Variants in ANKS1B observed in about 807,000 individuals in gnomAD.
ANKS1B encodes ankyrin repeat and sterile alpha motif domain-containing protein 1B.
Under a neutral mutation model 148.3 loss-of-function variants are expected in ANKS1B, and 36 were observed. The ratio of observed to expected loss-of-function variants is 0.24; its 90% CI spans 0.19 to 0.32. The LOEUF is 0.32. Ranked by LOEUF, ANKS1B falls within the 10% of genes least tolerant of loss-of-function variation. The probability of loss-of-function intolerance (pLI) is 1.00; values close to 1 mark genes in which losing one functional copy is unlikely to be tolerated. For synonymous variants in ANKS1B, 542 were observed against 560.8 expected (o/e 0.97, Z 0.47); for missense variants, 1,157 against 1,542.6 (o/e 0.75, Z 4.19).
intron 1 of ANKS1B, among the ~76,000 whole-genome samples, chr12:99,958,509 A>G (rs1310101449): frequency 1.3e-5 from 2 of 152,120 alleles, no homozygotes; most frequent in Non-Finnish European, 2.9e-5. Flanking sequence ...CAGCCCCCCA[A>G]GTAGCTGGGA....
chr12:99,226,500 T>C (rs551610932), intron 14 of ANKS1B, among the ~76,000 whole-genome samples: 11 of 152,340 alleles, frequency 7.2e-5, no homozygotes. Flanking sequence ...CAAGAATCAA[T>C]GTGTATATTG....
intron 4 of ANKS1B, among the ~76,000 whole-genome samples, chr12:99,784,168 C>CTAG (rs1438960257): frequency 3.2e-4 from 36 of 110,860 alleles, no homozygotes; most frequent in African/African-American, 1.1e-3. Context: ...ACTGAACTTT[C>CTAG]TTTTTTTTTT....
intron 4 of ANKS1B, among the ~76,000 whole-genome samples, chr12:99,795,485 A>G (rs1256544510): frequency 6.6e-6 from 1 of 152,020 alleles, no homozygotes; most frequent in South Asian, 2.1e-4. Context: ...GTGGTTACTT[A>G]CAACTCTTAC....
intron 1 of ANKS1B, among the ~76,000 whole-genome samples, chr12:99,859,785 T>C (rs1372394520): frequency 1.3e-5 from 2 of 151,992 alleles, no homozygotes; most frequent in Non-Finnish European, 2.9e-5. Context: ...TAGCTGGGAT[T>C]AGAGGTACCT....
At chr12:99,270,941 A>T (rs755161909) in intron 12 of ANKS1B, among the ~76,000 whole-genome samples, 32 of 152,232 alleles carry the variant, frequency 2.1e-4, no homozygotes, top group Non-Finnish European at 4.3e-4. Context: ...ACTGAAGATG[A>T]GAAAAAATAA....
chr12:99,542,459 T>C (rs976814832), intron 9 of ANKS1B, among the ~76,000 whole-genome samples: 1 of 152,122 alleles, frequency 6.6e-6, no homozygotes, highest in Non-Finnish European at 1.5e-5. Flanking sequence ...GAAGACACAA[T>C]ATTTTTTAAA....
At chr12:98,844,172 T>G in intron 17 of ANKS1B, among the ~76,000 whole-genome samples, 1 of 152,218 alleles carries the variant, frequency 6.6e-6, no homozygotes, top group East Asian at 1.9e-4. Context: ...TTACTCTATA[T>G]GCCTTTTGGT....
chr12:99,095,028 G>C (rs545703944), intron 15 of ANKS1B, among the ~76,000 whole-genome samples: 2 of 17,744 alleles, frequency 1.1e-4, no homozygotes, highest in East Asian at 0.015. Flanking sequence ...GGTCTCACTG[G>C]GGGGGGGGTC....
At position 98,832,155 on chromosome 12, in the gene ANKS1B, G is replaced by T; in HGVS notation, c.2779-19C>A. On this transcript the variant is annotated intron_variant, in intron 17 of 26. Coordinates refer to ENST00000683438, the MANE Select transcript of ANKS1B (RefSeq NM_001352186.2). ...TTAAAACCTGAAACAACATATATTT[G>T]GGTTAAATATTTCACTGGAGAACAA... 1 of 1,519,770 alleles carries T rather than the reference G, an allele frequency of 6.6e-7. No individual in the cohort carries two copies. Among genetic ancestry groups the T allele is most frequent in the Non-Finnish European group, 8.9e-7 (1 of 1,121,962 alleles). 94.1% of individuals were successfully genotyped at this position (1,519,770 alleles called of 1,614,324 possible).
intron 18 of ANKS1B, 76 bp downstream of exon 18, chr12:98,831,953 T>C (rs962020289): frequency 2.9e-6 from 4 of 1,364,768 alleles, no homozygotes; most frequent in African/African-American, 1.4e-5. Context: ...GGTCTCACCA[T>C]GTTGGCCAGG....
rs1364978132 is a variant in ANKS1B, at chr12:99,005,776, A to T, written c.2778+47381T>A. Among the ~76,000 whole-genome samples, 3 of 144,644 alleles carry T rather than the reference A, an allele frequency of 2.1e-5. No homozygotes were observed. In the East Asian group the frequency reaches 5.9e-4, roughly 28 times the overall value. The allele number at this position is 144,644 out of a possible 152,430, so 94.9% of individuals were successfully genotyped here. ...AAAATAAAACCTTAACACAGATGGAACACACACACACACACGCACATGCAC... is the reference window on the plus strand; with the variant it reads ...AAAATAAAACCTTAACACAGATGGATCACACACACACACACGCACATGCAC... On this transcript the variant is annotated intron_variant, in intron 17 of 26. Coordinates refer to ENST00000683438, the MANE Select transcript of ANKS1B (RefSeq NM_001352186.2).
chr12:99,246,160 C>A, intron 13 of ANKS1B, 115 bp downstream of exon 13: 1 of 736,686 alleles, frequency 1.4e-6, no homozygotes, highest in African/African-American at 1.8e-5. Context: ...CAGTTGGAGC[C>A]GTATGCTTTT....
chr12:98,831,830 T>C (rs1019382790), intron 18 of ANKS1B, 199 bp downstream of exon 18: 7 of 602,962 alleles, frequency 1.2e-5, no homozygotes, highest in African/African-American at 3.7e-5. Context: ...CTCACTGCAA[T>C]GCTCCGCCTT....
intron 17 of ANKS1B, among the ~76,000 whole-genome samples, chr12:98,878,896 G>A (rs1201097111): frequency 1.3e-5 from 2 of 152,052 alleles, no homozygotes; most frequent in Admixed American, 6.5e-5. Flanking sequence ...TGTAGTTTCG[G>A]AACAAAAGAA....
In ANKS1B at chr12:99,582,170, T is replaced by A. The variant is rs114429310; in HGVS notation, c.1272+72897A>T. Reference sequence around the variant, plus strand: ...ACATACCAGAACATACTCTTTAGAATGGCCAATAATAAGAATATGAACAAT... The same window carrying A: ...ACATACCAGAACATACTCTTTAGAAAGGCCAATAATAAGAATATGAACAAT... On this transcript the variant is annotated intron_variant, in intron 9 of 26. Coordinates refer to ENST00000683438, the MANE Select transcript of ANKS1B (RefSeq NM_001352186.2). Among the ~76,000 whole-genome samples, 1,437 of 152,026 alleles carry A rather than the reference T, an allele frequency of 9.5e-3. 21 individuals carry two copies. The highest frequency in any genetic ancestry group is 0.033 in the African/African-American group (1,363 of 41,506).
At chr12:99,110,321 C>A (rs1399931558) in intron 15 of ANKS1B, among the ~76,000 whole-genome samples, 1 of 152,112 alleles carries the variant, frequency 6.6e-6, no homozygotes, top group Non-Finnish European at 1.5e-5. Context: ...TAAGAAGGTG[C>A]AGAATTGCCA....
chr12:99,465,473 C>T lies in ANKS1B; in HGVS notation c.1439-21664G>A, dbSNP rs552515957. On this transcript the variant is annotated intron_variant, in intron 10 of 26. Transcript: ENST00000683438. ...ACTTTAAATGTAAATGGACTAAATGCTCCAATTAAAAGACACAGACTGGCA... is the reference window on the plus strand; with the variant it reads ...ACTTTAAATGTAAATGGACTAAATGTTCCAATTAAAAGACACAGACTGGCA... Among the ~76,000 whole-genome samples the T allele has an allele frequency of 8.3e-4, 127 of 152,214 alleles. No homozygotes were observed. The Middle Eastern group carries it at 0.014, about 16-fold the overall frequency.
chr12:99,842,508 C>T (rs1418966423), intron 1 of ANKS1B, among the ~76,000 whole-genome samples: 1 of 152,120 alleles, frequency 6.6e-6, no homozygotes, highest in South Asian at 2.1e-4. Flanking sequence ...CCCTTGAGAT[C>T]TTATCAGATT....
At chr12:99,225,375 T>C (rs2085747755) in intron 14 of ANKS1B, among the ~76,000 whole-genome samples, 1 of 152,190 alleles carries the variant, frequency 6.6e-6, no homozygotes, top group African/African-American at 2.4e-5. Context: ...AGTCAAGTTG[T>C]AGTCTTAGTT....
Sources: gnomAD v4.1 joint callset for allele counts (sites outside exome capture counted in the v4.1 genomes callset) on GRCh38, gnomAD v4.1.1 for gene constraint, MANE v1.5 for transcripts, NCBI Gene and HGNC (gene_info 2026-07-23, HGNC 2026-07-21) for gene names.